PASK: variants seen among roughly 807,000 people sequenced by gnomAD.
PASK encodes PAS domain-containing serine/threonine-protein kinase.
PASK carries 110 observed loss-of-function variants against 121.0 expected under a neutral mutation model. The ratio of observed to expected loss-of-function variants is 0.91; its 90% CI spans 0.78 to 1.06. The LOEUF (loss-of-function observed/expected upper bound fraction) is 1.06. Among genes scored for constraint, PASK ranks in the 50% least tolerant of loss-of-function variants. The probability of loss-of-function intolerance (pLI) is 0.00; values close to 1 mark genes in which losing one functional copy is unlikely to be tolerated. For synonymous variants in PASK, 686 were observed against 717.8 expected (o/e 0.96, Z 0.71); for missense variants, 1,643 against 1,702.3 (o/e 0.97, Z 0.61).
chr2:241,149,636 C>T, upstream of PASK: 2 of 1,539,352 alleles, frequency 1.3e-6, no homozygotes, highest in South Asian at 1.2e-5. Context: ...TTCGGAGGAG[C>T]CAAAGGAATA....
chr2:241,135,989 G>A lies in PASK; in HGVS notation c.1188C>T (p.Tyr396=), dbSNP rs929562548. The A allele has an allele frequency of 3.1e-6, 5 of 1,613,774 alleles. No homozygotes were observed. Among genetic ancestry groups the A allele is most frequent in the African/African-American group, 1.3e-5 (1 of 74,918 alleles). Residue 396 remains tyrosine (Y), a synonymous_variant, in exon 8 of 18, where the codon TAC becomes TAT. Coordinates refer to ENST00000234040, the MANE Select transcript of PASK (RefSeq NM_015148.4). ...GGTCTGGGAGCTGTAATGAGCTGTTGTACGCAAGGTCCATGTAGCTGTAGA... is the reference window on the plus strand; with the variant it reads ...GGTCTGGGAGCTGTAATGAGCTGTTATACGCAAGGTCCATGTAGCTGTAGA... ...PGFYSYMDLA[Y]NSSLQLPDLA...
intron 15 of PASK, among the ~76,000 whole-genome samples, chr2:241,110,884 G>A (rs530016985): frequency 9.8e-5 from 15 of 152,318 alleles, no homozygotes; most frequent in Admixed American, 7.2e-4. Context: ...GATATTTCAC[G>A]CTGTTTGGTG....
upstream of PASK, chr2:241,149,723 G>C: frequency 6.5e-7 from 1 of 1,549,404 alleles, no homozygotes; most frequent in Non-Finnish European, 8.7e-7. Context: ...GTAGCGCAGA[G>C]CTCGCCTCTT....
chr2:241,114,798 T>C, intron 14 of PASK: 1 of 1,427,388 alleles, frequency 7.0e-7, no homozygotes, highest in Non-Finnish European at 9.1e-7. Context: ...CCTTAACCAT[T>C]AAACATACTT....
rs549415796 is a variant in PASK at position 241,139,873 on chromosome 2, G to A, written c.600+12C>T. ...TGAGGCCAGACTGAACGCTGCACCC[G>A]CATCCACTCACCACCGTGCCAAACA... On this transcript the variant is annotated intron_variant, in intron 4 of 17. Transcript: ENST00000234040. 43 of 1,612,902 alleles carry A rather than the reference G, an allele frequency of 2.7e-5. No individual in the cohort carries two copies. The highest frequency in any genetic ancestry group is 1.3e-4 in the East Asian group (6 of 44,884).
At chr2:241,132,692 A>T (rs1440135154) in intron 9 of PASK, among the ~76,000 whole-genome samples, 182 bp downstream of exon 9, 1 of 152,194 alleles carries the variant, frequency 6.6e-6, no homozygotes, top group African/African-American at 2.4e-5. Flanking sequence ...ATAAGGACTC[A>T]GCCAGGCAGC....
At position 241,108,200 on chromosome 2, in the gene PASK, C is replaced by G. The variant is rs1559351795; in HGVS notation, c.3634G>C (p.Ala1212Pro). ...PFCELEETVEAAIHPPYLVSK... is the reference protein window; with the variant it reads ...PFCELEETVEPAIHPPYLVSK... ...ACCAGGTATGGCGGGTGTATGGCAGCCTCCACGGTCTCCTCCAGCTCACAG... is the reference window on the plus strand; with the variant it reads ...ACCAGGTATGGCGGGTGTATGGCAGGCTCCACGGTCTCCTCCAGCTCACAG... The change falls in exon 16 of 18, where the codon GCT becomes CCT. Residue 1212 changes from alanine to proline, a missense_variant. By Grantham distance (27) the Ala-to-Pro change is conservative (BLOSUM62 -1). Around this residue, in one of 3 missense-constraint regions of PASK, gnomAD observed 453 missense variants for 511.2 expected, o/e 0.89. Transcript: ENST00000234040. This position sits in a 1 kb window ranked among gnomAD's most constrained non-coding sequence, Gnocchi z 5.2. The G allele has an allele frequency of 6.2e-7, 1 of 1,613,962 alleles. No individual in the cohort carries two copies. The highest frequency in any genetic ancestry group is 1.7e-5 in the Admixed American group (1 of 60,022).
In PASK at chr2:241,137,148, A is replaced by G. The variant is rs2066473756; in HGVS notation, c.993T>C (p.Pro331=). 6.2e-7 allele frequency: 1 copy of G among 1,612,466 alleles called. No individual in the cohort carries two copies. The highest frequency in any genetic ancestry group is 8.5e-7 in the Non-Finnish European group (1 of 1,179,468). The change falls in exon 7 of 18, where the codon CCT becomes CCC. Residue 331 remains proline, a synonymous_variant. Coordinates refer to ENST00000234040, the MANE Select transcript of PASK (RefSeq NM_015148.4). ...SEEATTGEAA[P]VSGYRASVWV... is the part of the protein sequence containing the mutation. ...AGACAGATGCCCGGTAGCCGCTCACAGGGGCCGCCTCACCGGTGGTCGCCT... is the reference window on the plus strand; with the variant it reads ...AGACAGATGCCCGGTAGCCGCTCACGGGGGCCGCCTCACCGGTGGTCGCCT...
chr2:241,150,240 C>T, upstream of PASK: 1 of 1,286,978 alleles, frequency 7.8e-7, no homozygotes, highest in Non-Finnish European at 9.8e-7. Flanking sequence ...GCTTCGACTC[C>T]CTCTGCTTTC....
At position 241,108,154 on chromosome 2, in the gene PASK, A is replaced by C; in HGVS notation, c.3667+13T>G. On this transcript the variant is annotated intron_variant, in intron 16 of 17. Coordinates refer to ENST00000234040, the MANE Select transcript of PASK (RefSeq NM_015148.4). The surrounding 1 kb of genome is among the most constrained non-coding windows in gnomAD (Gnocchi z 5.2). ...ACAGTGTCGACTGTCTACCACTTGC[A>C]GCTCACGCTCACCTTTGGACACCAG... The C allele has an allele frequency of 6.2e-7, 1 of 1,614,094 alleles. No homozygotes were observed. The highest frequency in any genetic ancestry group is 1.3e-5 in the African/African-American group (1 of 75,042).
intron 9 of PASK, among the ~76,000 whole-genome samples, chr2:241,131,171 C>T (rs1283845644): frequency 6.8e-5 from 10 of 146,592 alleles, no homozygotes; most frequent in South Asian, 2.1e-4. Flanking sequence ...TTTTTTGAGA[C>T]GGAGTCTCAC....
At chr2:241,145,994 A>G (rs1398336763) in intron 1 of PASK, 1 of 152,188 alleles carries the variant, frequency 6.6e-6, no homozygotes, top group Admixed American at 6.5e-5. Context: ...TACCATAAAG[A>G]AAACGAAAGA....
chr2:241,122,499 G>C (rs1299912469), intron 12 of PASK, among the ~76,000 whole-genome samples: 2 of 152,214 alleles, frequency 1.3e-5, no homozygotes, highest in Non-Finnish European at 2.9e-5. Context: ...CCCTGAGCCT[G>C]GCCTGTTCGA....
upstream of PASK, chr2:241,149,559 AAGCT>A: frequency 2.5e-6 from 3 of 1,222,334 alleles, no homozygotes; most frequent in South Asian, 1.4e-5. Flanking sequence ...GGGCGGGACT[AAGCT>A]AGCCAGAGTC....
chr2:241,143,343 A>C (rs1391141534), intron 1 of PASK, among the ~76,000 whole-genome samples: 1 of 152,120 alleles, frequency 6.6e-6, no homozygotes, highest in Admixed American at 6.6e-5. Flanking sequence ...GAGATCGAGG[A>C]GATCGAGACC....
intron 16 of PASK, 113 bp from the exon 17 acceptor site, chr2:241,107,612 G>T: frequency 9.8e-7 from 1 of 1,016,228 alleles, no homozygotes; most frequent in Non-Finnish European, 1.5e-6. Flanking sequence ...GGCAGGTGGC[G>T]GCCCAGGAAC....
Position 241,122,716 on chromosome 2 carries a change from C to T in PASK, c.3072+16G>A, listed in dbSNP as rs200737770. 13 of 1,613,282 alleles carry T rather than the reference C, an allele frequency of 8.1e-6. No homozygotes were observed. The highest frequency in any genetic ancestry group is 1.7e-4 in the Middle Eastern group (1 of 6,058). ...AAGTGGTGCCCGGCGCCACTCCCCC[C>T]CCACAGCCAGGTTACCTCCTTGTTT... On this transcript the variant is annotated intron_variant, in intron 12 of 17. Transcript: ENST00000234040.
rs915007200 is a variant in PASK at position 241,112,871 on chromosome 2, C to T, written c.3334-432G>A. ...AAGTACCCAAGAGAAAGCACCAAGT[C>T]GATAACCTCAGCTCACAGGGAGGGA... On this transcript the variant is annotated intron_variant, in intron 14 of 17. Coordinates refer to ENST00000234040, the MANE Select transcript of PASK (RefSeq NM_015148.4). The surrounding 1 kb of genome is among the most constrained non-coding windows in gnomAD (Gnocchi z 5.2). The T allele has an allele frequency of 1.0e-5, 2 of 192,332 alleles. No homozygotes were observed. Among genetic ancestry groups the T allele is most frequent in the South Asian group, 1.8e-4 (2 of 10,966 alleles). The allele number at this position is 192,332 out of a possible 1,614,324, so 11.9% of individuals were successfully genotyped here.
Position 241,108,263 on chromosome 2 carries a change from C to T in PASK, c.3571G>A (p.Val1191Ile), listed in dbSNP as rs775386666. 7.4e-6 allele frequency: 12 copies of T among 1,614,062 alleles called. No individual in the cohort carries two copies. Among genetic ancestry groups the T allele is most frequent in the South Asian group, 1.1e-5 (1 of 91,082 alleles). Residue 1191 changes from valine (V) to isoleucine (I), a missense_variant, in exon 16 of 18, where the codon GTC (valine) becomes ATC (isoleucine). By Grantham distance (29) the Val-to-Ile change is conservative. Around this residue, in one of 3 missense-constraint regions of PASK, gnomAD observed 453 missense variants for 511.2 expected, o/e 0.89. Transcript: ENST00000234040. This position sits in a 1 kb window ranked among gnomAD's most constrained non-coding sequence, Gnocchi z 5.2. ...GPELEMWSLGVTLYTLVFEEN... is the reference protein window; with the variant it reads ...GPELEMWSLGITLYTLVFEEN... ...TCAAAGACCAGCGTGTACAGAGTGA[C>T]TCCCAGAGACCACATCTCCAGCTCC...
Sources: allele counts gnomAD v4.1 joint callset (sites outside exome capture counted in the v4.1 genomes callset), GRCh38; gene constraint gnomAD v4.1.1; regional missense constraint gnomAD v4.1.1; non-coding constraint Gnocchi (gnomAD v3.1); transcripts MANE v1.5; gene names NCBI Gene and HGNC (gene_info 2026-07-23, HGNC 2026-07-21).